MACROD1: variants seen among roughly 807,000 people sequenced by gnomAD.
MACROD1 encodes ADP-ribose glycohydrolase MACROD1.
In MACROD1, 31 loss-of-function variants were observed where a neutral mutation model predicts 41.4. The ratio of observed to expected loss-of-function variants is 0.75; its 90% CI spans 0.56 to 1.01. The LOEUF (loss-of-function observed/expected upper bound fraction) is 1.01, where lower values mean the gene tolerates loss of function less well. Ranked by LOEUF, MACROD1 falls within the 50% of genes least tolerant of loss-of-function variation. The probability of loss-of-function intolerance (pLI) is 0.00; values close to 1 mark genes in which losing one functional copy is unlikely to be tolerated. For missense variants in MACROD1, 473 were observed against 460.0 expected (o/e 1.03, Z -0.26); for synonymous variants, 252 against 203.4 (o/e 1.24, Z -2.03).
chr11:64,042,815 A>AC lies in MACROD1; in HGVS notation c.518-27535dup, dbSNP rs563965644. Reference sequence around the variant, plus strand: ...CAGCACCATGGCTCTGAGCCCTGAGACCCCCACCAGGCTTGGGCTAGCCAG... The same window carrying AC: ...CAGCACCATGGCTCTGAGCCCTGAGACCCCCCACCAGGCTTGGGCTAGCCAG... On this transcript the variant is annotated intron_variant, in intron 3 of 10. Transcript: ENST00000255681. Among the ~76,000 whole-genome samples, 32 of 151,816 alleles carry AC rather than the reference A, an allele frequency of 2.1e-4. No homozygotes were observed. The East Asian group carries it at 4.1e-3, about 19-fold the overall frequency.
At chr11:64,054,919 CTT>C (rs1943756879) in intron 3 of MACROD1, among the ~76,000 whole-genome samples, 1 of 152,162 alleles carries the variant, frequency 6.6e-6, no homozygotes, top group Non-Finnish European at 1.5e-5. Context: ...TGACCGCCCT[CTT>C]TCTCCCCTGC....
chr11:64,035,571 C>A (rs1407959001), intron 3 of MACROD1, among the ~76,000 whole-genome samples: 1 of 148,940 alleles, frequency 6.7e-6, no homozygotes, highest in Non-Finnish European at 1.5e-5. Context: ...GCTCCCCCAC[C>A]CGCCCTTCCC....
At chr11:64,140,187 C>G (rs1049759263) in intron 3 of MACROD1, among the ~76,000 whole-genome samples, 1 of 152,248 alleles carries the variant, frequency 6.6e-6, no homozygotes, top group African/African-American at 2.4e-5. Flanking sequence ...CTTCAGTCAC[C>G]TGGCTTCTCT....
At chr11:64,009,704 C>T (rs1405650002) in intron 4 of MACROD1, among the ~76,000 whole-genome samples, 2 of 152,254 alleles carry the variant, frequency 1.3e-5, no homozygotes, top group Non-Finnish European at 2.9e-5. Context: ...GTCCTGTGCC[C>T]TCCAGGTTAA....
chr11:64,125,574 C>G (rs953522263), intron 3 of MACROD1, among the ~76,000 whole-genome samples: 1 of 152,262 alleles, frequency 6.6e-6, no homozygotes, highest in Non-Finnish European at 1.5e-5. Flanking sequence ...GCCCCGCCAG[C>G]AGCTGGCACA....
chr11:64,047,897 CA>C (rs35010371), intron 3 of MACROD1, among the ~76,000 whole-genome samples: 5,126 of 89,112 alleles, frequency 0.058, 259 homozygotes, highest in African/African-American at 0.19. Flanking sequence ...AACTCCGTCT[CA>C]AAAAAAAAAA....
intron 3 of MACROD1, among the ~76,000 whole-genome samples, chr11:64,076,627 C>T (rs777625015): frequency 1.3e-5 from 2 of 152,160 alleles, no homozygotes; most frequent in Non-Finnish European, 2.9e-5. Flanking sequence ...TCTCCATTTT[C>T]CAGAGGAGGA....
intron 3 of MACROD1, among the ~76,000 whole-genome samples, chr11:64,139,461 A>G (rs1945378605): frequency 6.6e-6 from 1 of 152,138 alleles, no homozygotes; most frequent in African/African-American, 2.4e-5. Flanking sequence ...CCCACCGCAG[A>G]GGAGCCCTGT....
At chr11:64,110,660 G>A (rs920115854) in intron 3 of MACROD1, among the ~76,000 whole-genome samples, 2 of 151,928 alleles carry the variant, frequency 1.3e-5, no homozygotes, top group African/African-American at 4.8e-5. Flanking sequence ...GCCCACCCCC[G>A]TGGCCCGCTA....
At chr11:64,008,145 A>G (rs1054162326) in intron 4 of MACROD1, among the ~76,000 whole-genome samples, 12 of 152,348 alleles carry the variant, frequency 7.9e-5, no homozygotes, top group African/African-American at 2.9e-4. Context: ...GTCTACGAAC[A>G]GAGAACCAGC....
intron 4 of MACROD1, among the ~76,000 whole-genome samples, chr11:64,007,558 C>G (rs1330465660): frequency 1.3e-5 from 2 of 152,058 alleles, no homozygotes; most frequent in African/African-American, 4.8e-5. Flanking sequence ...CAGGACCTCC[C>G]GGGAGGTGCG....
intron 4 of MACROD1, among the ~76,000 whole-genome samples, chr11:64,014,414 T>C (rs1943053388): frequency 2.0e-5 from 3 of 152,246 alleles, no homozygotes. Context: ...CTCTTATTTA[T>C]TCCTGACCTT....
chr11:64,089,072 T>C (rs1944444601), intron 3 of MACROD1, among the ~76,000 whole-genome samples: 1 of 152,040 alleles, frequency 6.6e-6, no homozygotes, highest in South Asian at 2.1e-4. Flanking sequence ...CTGTCCTCCC[T>C]CCCTCCGGCC....
chr11:64,001,899 A>AC, intron 4 of MACROD1: 1 of 637,824 alleles, frequency 1.6e-6, no homozygotes, highest in Non-Finnish European at 2.9e-6. Flanking sequence ...CAGATGTGTG[A>AC]CCCCTCACAT....
chr11:64,108,989 C>G (rs904960679), intron 3 of MACROD1, among the ~76,000 whole-genome samples: 3 of 152,072 alleles, frequency 2.0e-5, no homozygotes, highest in Non-Finnish European at 4.4e-5. Context: ...GTGGGGGAGA[C>G]GTGACCAGCA....
intron 3 of MACROD1, among the ~76,000 whole-genome samples, chr11:64,113,871 C>CATGGATGG (rs202172057): frequency 0.011 from 823 of 77,788 alleles, 23 homozygotes; most frequent in South Asian, 0.096. Context: ...TGGATTGATA[C>CATGGATGG]ATGGATGGAT....
intron 3 of MACROD1, among the ~76,000 whole-genome samples, chr11:64,019,920 G>A (rs1943131707): frequency 6.6e-6 from 1 of 152,104 alleles, no homozygotes; most frequent in South Asian, 2.1e-4. Flanking sequence ...TGCATGATGA[G>A]GGCACCCTAC....
rs1945080200 is a variant in MACROD1, at chr11:64,120,504, T to C, written c.517+30735A>G. On this transcript the variant is annotated intron_variant, in intron 3 of 10. Coordinates refer to ENST00000255681, the MANE Select transcript of MACROD1 (RefSeq NM_014067.4). The surrounding 1 kb of genome is among the most constrained non-coding windows in gnomAD (Gnocchi z 4.5). ...GAGTTTGAGACCAGCCTGGCCAACA[T>C]GGTGAAAGTCCGTCTCTCTAAAAAT... Among the ~76,000 whole-genome samples, 1 of 151,938 alleles carries C rather than the reference T, an allele frequency of 6.6e-6. No homozygotes were observed. The highest frequency in any genetic ancestry group is 2.4e-5 in the African/African-American group (1 of 41,370).
chr11:64,049,819 C>G (rs1289533279), intron 3 of MACROD1, among the ~76,000 whole-genome samples: 4 of 152,174 alleles, frequency 2.6e-5, no homozygotes, highest in Non-Finnish European at 5.9e-5. Context: ...CTGCAGACTC[C>G]CTGCTTGCTA....
Sources: allele counts gnomAD v4.1 joint callset (sites outside exome capture counted in the v4.1 genomes callset), GRCh38; gene constraint gnomAD v4.1.1; non-coding constraint Gnocchi (gnomAD v3.1); transcripts MANE v1.5; gene names NCBI Gene and HGNC (gene_info 2026-07-23, HGNC 2026-07-21).